Variants in MACF1 observed in about 807,000 individuals in gnomAD.
MACF1 encodes microtubule actin crosslinking factor 1.
A neutral mutation model predicts 854.8 loss-of-function variants in MACF1; 193 were observed. That is an observed-to-expected ratio of 0.23 (90% CI 0.20 to 0.25). MACF1 has a LOEUF of 0.25. MACF1 is among the 10% of genes least tolerant of loss of function. MACF1 has a pLI of 1.00. For synonymous variants in MACF1, 3,185 were observed against 3,226.7 expected (o/e 0.99, Z 0.44); for missense variants, 7,722 against 8,929.1 (o/e 0.86, Z 5.45).
intron 3 of MACF1, among the ~76,000 whole-genome samples, chr1:39,251,074 A>G (rs576701141): frequency 6.6e-6 from 1 of 152,194 alleles, no homozygotes; most frequent in Non-Finnish European, 1.5e-5. Context: ...TGTTTAAGTA[A>G]CAGAATTTGG....
chr1:39,264,662 CTTTTTTTTT>C (rs35145613), intron 6 of MACF1, among the ~76,000 whole-genome samples: 5 of 81,646 alleles, frequency 6.1e-5, no homozygotes, highest in Non-Finnish European at 9.8e-5. Flanking sequence ...GATAGGATTT[CTTTTTTTTT>C]TTTTTTTTTT....
chr1:39,291,708 A>G (rs534032735), intron 15 of MACF1, among the ~76,000 whole-genome samples: 1 of 152,242 alleles, frequency 6.6e-6, no homozygotes, highest in East Asian at 1.9e-4. Context: ...TCTGTTGTAT[A>G]ATTGGTGGGC....
At position 39,323,189 on chromosome 1, in the gene MACF1, A is replaced by G. The variant is rs145025724; in HGVS notation, c.4236+181A>G. ...ATCCCCTCTCTACAAAAAATATTTA[A>G]AAATTAGCTGGGCATGGTGGCACAC... On this transcript the variant is annotated intron_variant, in intron 33 of 100. Transcript: ENST00000564288. Among the ~76,000 whole-genome samples the G allele has an allele frequency of 8.1e-4, 124 of 152,258 alleles. 3 individuals carry two copies. The East Asian group carries it at 0.019, about 23-fold the overall frequency.
chr1:39,306,459 G>C (rs1000720400), intron 23 of MACF1, among the ~76,000 whole-genome samples: 1 of 151,922 alleles, frequency 6.6e-6, no homozygotes, highest in African/African-American at 2.4e-5. Flanking sequence ...TATAATTTTT[G>C]TTTCCTTGGA....
Position 39,442,835 on chromosome 1 carries a change from C to T in MACF1, c.19226C>T (p.Ala6409Val), listed in dbSNP as rs780535123. 2 of 1,613,990 alleles carry T rather than the reference C, an allele frequency of 1.2e-6. No homozygotes were observed. The highest frequency in any genetic ancestry group is 1.7e-6 in the Non-Finnish European group (2 of 1,179,936). ...AGCAGCTTAAGGAGCCGTTTGGAAG[C>T]CATGAACCAATGCTGGGAGTCAGTG... ...DASSLRSRLEAMNQCWESVLQ... is the reference protein window; with the variant it reads ...DASSLRSRLEVMNQCWESVLQ... Residue 6409 changes from alanine to valine, a missense_variant, in exon 78 of 101, where the codon GCC becomes GTC. Around this residue, in one of 15 missense-constraint regions of MACF1, gnomAD observed 729 missense variants for 900.5 expected, o/e 0.81. Transcript: ENST00000564288.
intron 89 of MACF1, among the ~76,000 whole-genome samples, chr1:39,455,664 C>T (rs1198015598): frequency 6.6e-6 from 1 of 152,146 alleles, no homozygotes; most frequent in Admixed American, 6.5e-5. Context: ...TTTTAGAAGT[C>T]TGCCTGCCAC....
Position 39,353,221 on chromosome 1 carries a change from AGAT to A in MACF1, c.11420_11422del (p.Met3807del). The A allele has an allele frequency of 6.2e-7, 1 of 1,603,614 alleles. No individual in the cohort carries two copies. The highest frequency in any genetic ancestry group is 1.1e-5 in the South Asian group (1 of 90,752). On this transcript the variant is annotated inframe_deletion, in exon 44 of 101. Coordinates refer to ENST00000564288, the MANE Select transcript of MACF1 (RefSeq NM_001394062.1). The stretch of plus-strand genomic sequence containing the variant: ...CCAGAGAAACTGGACAAGCAATGTG[AGAT>A]GATGAAGGTAAGGGTGTTAGCTTAT...
chr1:39,161,262 A>G (rs542615100), intron 2 of MACF1, among the ~76,000 whole-genome samples: 1 of 152,304 alleles, frequency 6.6e-6, no homozygotes, highest in Admixed American at 6.5e-5. Context: ...GGCAGAGTCC[A>G]GACCTGTGCC....
In MACF1 at chr1:39,388,809, G is replaced by A. The variant is rs1389525221; in HGVS notation, c.15816+151G>A. 2.5e-5 allele frequency: 14 copies of A among 566,110 alleles called. No individual in the cohort carries two copies. The Admixed American group carries it at 5.7e-4, about 23-fold the overall frequency. 35.1% of individuals were successfully genotyped at this position (566,110 alleles called of 1,614,324 possible). A position where few individuals can be genotyped will look rare whatever the true frequency, so the allele number is the denominator to read the frequency against. On this transcript the variant is annotated intron_variant, in intron 58 of 100. Coordinates refer to ENST00000564288, the MANE Select transcript of MACF1 (RefSeq NM_001394062.1). ...AAGCACACTGTCTGAAGACTAAATAGTCTCTCGGACTTCTGAGCAAACTGG... is the reference window on the plus strand; with the variant it reads ...AAGCACACTGTCTGAAGACTAAATAATCTCTCGGACTTCTGAGCAAACTGG...
At chr1:39,123,726 T>TA (rs576990919) in intron 2 of MACF1, among the ~76,000 whole-genome samples, 6 of 137,776 alleles carry the variant, frequency 4.4e-5, no homozygotes, top group Admixed American at 2.9e-4. Flanking sequence ...TGTTTTTTTT[T>TA]TTTTTTTTTT....
At chr1:39,092,927 T>C (rs2148122537) in intron 2 of MACF1, among the ~76,000 whole-genome samples, 1 of 152,102 alleles carries the variant, frequency 6.6e-6, no homozygotes, top group East Asian at 1.9e-4. Flanking sequence ...GGATTACAGG[T>C]GCCTGACACC....
intron 14 of MACF1, 75 bp downstream of exon 14, chr1:39,285,833 G>C: frequency 1.3e-6 from 2 of 1,521,288 alleles, no homozygotes; most frequent in South Asian, 1.2e-5. Context: ...TAGAGCAAGA[G>C]TCAGGCACTT....
Position 39,333,726 on chromosome 1 carries a change from A to G in MACF1, c.7138A>G (p.Thr2380Ala). The G allele has an allele frequency of 6.2e-7, 1 of 1,614,194 alleles. No individual in the cohort carries two copies. Among genetic ancestry groups the G allele is most frequent in the South Asian group, 1.1e-5 (1 of 91,084 alleles). Residue 2380 changes from threonine (T) to alanine (A), a missense_variant, in exon 37 of 101, where the codon ACA becomes GCA. By Grantham distance (58) the Thr-to-Ala change is moderately conservative. Coordinates refer to ENST00000564288, the MANE Select transcript of MACF1 (RefSeq NM_001394062.1). ...ISGVLDPRTQ[T>A]LCSVKDAVTV... ...TGGTGTCTTAGACCCCCGTACCCAG[A>G]CACTGTGCTCTGTAAAGGATGCAGT...
intron 47 of MACF1, among the ~76,000 whole-genome samples, chr1:39,360,013 ATATATATATAT>A (rs1311942370): frequency 3.0e-3 from 63 of 20,932 alleles, no homozygotes; most frequent in East Asian, 0.014. Context: ...AAAAAAAAAA[ATATATATATAT>A]ATATATATAT....
rs1032129374 is a variant in MACF1 at position 39,409,212 on chromosome 1, G to A, written c.15817-13162G>A. ...GGACCGTGACAGCTGCGGGCGGGGA[G>A]GACGGCGGGGCCGCGGGGCCAGCGG... On this transcript the variant is annotated intron_variant, in intron 58 of 100. Transcript: ENST00000564288. This position sits in a 1 kb window ranked among gnomAD's most constrained non-coding sequence, Gnocchi z 4.2. Among the ~76,000 whole-genome samples the A allele has an allele frequency of 1.3e-5, 2 of 152,100 alleles. No homozygotes were observed. The highest frequency in any genetic ancestry group is 4.8e-5 in the African/African-American group (2 of 41,442).
Position 39,428,080 on chromosome 1 carries a change from C to G in MACF1, c.16596C>G (p.Asp5532Glu). 1 of 1,614,206 alleles carries G rather than the reference C, an allele frequency of 6.2e-7. No homozygotes were observed. The highest frequency in any genetic ancestry group is 8.5e-7 in the Non-Finnish European group (1 of 1,180,038). Residue 5532 changes from aspartate (D) to glutamate (E), a missense_variant, in exon 63 of 101, where the codon GAC becomes GAG. By Grantham distance (45) the Asp-to-Glu change is conservative. Transcript: ENST00000564288. ...AEQGVLSEKI[D>E]SLQARYSEIQ... The stretch of plus-strand genomic sequence containing the variant: ...AGGGTGTGCTGTCAGAAAAGATAGA[C>G]TCATTGCAGGCCCGATACAGTGAAA...
chr1:39,477,082 T>TACACAC (rs1557675061), intron 97 of MACF1, among the ~76,000 whole-genome samples: 23 of 12,608 alleles, frequency 1.8e-3, no homozygotes, highest in African/African-American at 3.6e-3. Flanking sequence ...TATATATATA[T>TACACAC]ATATATATAC....
At chr1:39,398,078 T>A (rs1642341049) in intron 58 of MACF1, among the ~76,000 whole-genome samples, 1 of 151,780 alleles carries the variant, frequency 6.6e-6, no homozygotes, top group Admixed American at 6.6e-5. Flanking sequence ...CCAAAGTTTA[T>A]GCTACACCAG....
intron 58 of MACF1, chr1:39,413,255 C>T (rs948212644): frequency 6.2e-7 from 1 of 1,610,630 alleles, no homozygotes; most frequent in Non-Finnish European, 8.5e-7. Context: ...GTGTCCACCC[C>T]AGAGGAGCCC....
Sources: allele counts gnomAD v4.1 joint callset (sites outside exome capture counted in the v4.1 genomes callset), GRCh38; gene constraint gnomAD v4.1.1; regional missense constraint gnomAD v4.1.1; non-coding constraint Gnocchi (gnomAD v3.1); transcripts MANE v1.5; gene names NCBI Gene and HGNC (gene_info 2026-07-23, HGNC 2026-07-21).